Variants in ALK observed in about 807,000 individuals in gnomAD.
ALK encodes the protein ALK receptor tyrosine kinase, also known as ALK tyrosine kinase receptor.
In ALK, 74 loss-of-function variants were observed where a neutral mutation model predicts 163.1. The ratio of observed to expected loss-of-function variants is 0.45; its 90% confidence interval spans 0.38 to 0.55. The LOEUF (loss-of-function observed/expected upper bound fraction) is 0.55, where lower values mean the gene tolerates loss of function less well. Among genes scored for constraint, ALK ranks in the 20% least tolerant of loss-of-function variants. The pLI, the probability that ALK is intolerant of heterozygous loss-of-function variation, is 0.00. For synonymous variants in ALK, 960 were observed against 843.2 expected (o/e 1.14, Z -2.40); for missense variants, 2,063 against 2,105.3 (o/e 0.98, Z 0.39).
chr2:29,333,602 T>C (rs1387960130), intron 5 of ALK, among the ~76,000 whole-genome samples: 6 of 152,252 alleles, frequency 3.9e-5, no homozygotes, highest in African/African-American at 2.4e-5. Context: ...ATTCTGTTTA[T>C]AATGTATTTT....
chr2:29,498,783 G>C (rs890408536), intron 4 of ALK, among the ~76,000 whole-genome samples: 1 of 152,208 alleles, frequency 6.6e-6, no homozygotes, highest in Non-Finnish European at 1.5e-5. Flanking sequence ...TCAACCAAGG[G>C]CTTTCACTTT....
At chr2:29,341,891 T>G (rs1329986099) in intron 5 of ALK, among the ~76,000 whole-genome samples, 3 of 152,230 alleles carry the variant, frequency 2.0e-5, no homozygotes, top group African/African-American at 7.2e-5. Flanking sequence ...TTTTAGTTTT[T>G]AGTTCTTTTC....
intron 9 of ALK, among the ~76,000 whole-genome samples, chr2:29,279,935 T>C (rs570182970): frequency 6.6e-6 from 1 of 152,318 alleles, no homozygotes; most frequent in East Asian, 1.9e-4. Flanking sequence ...AGTTCTGGTA[T>C]GTATCAGGTA....
chr2:29,893,621 C>T (rs1264933827), intron 1 of ALK, among the ~76,000 whole-genome samples: 1 of 152,132 alleles, frequency 6.6e-6, no homozygotes, highest in East Asian at 1.9e-4. Context: ...AGGTTTAGGT[C>T]CTGTTCAGGT....
intron 4 of ALK, among the ~76,000 whole-genome samples, chr2:29,391,154 T>G (rs1354835925): frequency 1.3e-5 from 2 of 152,164 alleles, no homozygotes; most frequent in African/African-American, 4.8e-5. Flanking sequence ...AGAGATGTTA[T>G]GTGGGTGACG....
At chr2:29,504,602 T>C (rs567101360) in intron 4 of ALK, among the ~76,000 whole-genome samples, 116 of 151,896 alleles carry the variant, frequency 7.6e-4, no homozygotes, top group African/African-American at 2.7e-3. Context: ...ATGGGGGATA[T>C]GGGGTGAAGA....
intron 4 of ALK, among the ~76,000 whole-genome samples, chr2:29,395,016 G>C (rs536300681): frequency 6.6e-6 from 1 of 152,094 alleles, no homozygotes; most frequent in African/African-American, 2.4e-5. Flanking sequence ...GCTGGAGTTG[G>C]GGCATTCATC....
chr2:29,831,053 A>AG (rs1481628351), intron 1 of ALK, among the ~76,000 whole-genome samples: 4 of 51,364 alleles, frequency 7.8e-5, no homozygotes, highest in Non-Finnish European at 1.6e-4. Flanking sequence ...GAGAAGGAGA[A>AG]GAGGAAGGGG....
At chr2:29,903,763 G>A (rs763173087) in intron 1 of ALK, among the ~76,000 whole-genome samples, 1 of 152,234 alleles carries the variant, frequency 6.6e-6, no homozygotes, top group African/African-American at 2.4e-5. Flanking sequence ...TTAGAGGTAA[G>A]CAGCTCTTAT....
At chr2:29,717,019 A>G (rs1423595726) in intron 2 of ALK, among the ~76,000 whole-genome samples, 1 of 146,846 alleles carries the variant, frequency 6.8e-6, no homozygotes, top group Non-Finnish European at 1.5e-5. Context: ...AAAAAAAAAA[A>G]AAATTAGCCA....
chr2:29,322,626 G>A (rs769012451), intron 6 of ALK, among the ~76,000 whole-genome samples: 4 of 152,202 alleles, frequency 2.6e-5, no homozygotes, highest in Non-Finnish European at 4.4e-5. Context: ...CTGAGGTCAG[G>A]AGTTTGAGAA....
At chr2:29,417,375 C>A (rs74747850) in intron 4 of ALK, among the ~76,000 whole-genome samples, 2,967 of 152,240 alleles carry the variant, frequency 0.019, 97 homozygotes, top group African/African-American at 0.068. Context: ...CTTTCCTCAA[C>A]ATGAATGAAT....
At chr2:29,906,285 T>A (rs543305442) in intron 1 of ALK, among the ~76,000 whole-genome samples, 1 of 152,248 alleles carries the variant, frequency 6.6e-6, no homozygotes, top group Non-Finnish European at 1.5e-5. Flanking sequence ...CATTTAATAT[T>A]CTTCCCTCAC....
At chr2:29,241,227 G>T (rs190858921) in intron 12 of ALK, among the ~76,000 whole-genome samples, 33 of 152,296 alleles carry the variant, frequency 2.2e-4, no homozygotes, top group African/African-American at 7.2e-4. Context: ...CGATCTTCAT[G>T]ATGAAAAGAG....
At chr2:29,206,006 GC>G (rs1189909462) in intron 26 of ALK, among the ~76,000 whole-genome samples, 1 of 152,136 alleles carries the variant, frequency 6.6e-6, no homozygotes, top group Non-Finnish European at 1.5e-5. Context: ...GCCAGTGGGG[GC>G]CAGGACCAGG....
intron 23 of ALK, among the ~76,000 whole-genome samples, chr2:29,217,766 G>A (rs1312766735): frequency 2.0e-5 from 3 of 152,136 alleles, no homozygotes; most frequent in African/African-American, 7.2e-5. Flanking sequence ...GGGAACCCCT[G>A]GGAGTATCAG....
At chr2:29,473,108 A>C (rs1257678050) in intron 4 of ALK, among the ~76,000 whole-genome samples, 1 of 152,252 alleles carries the variant, frequency 6.6e-6, no homozygotes, top group African/African-American at 2.4e-5. Context: ...CCAGATATCA[A>C]GACATATTAT....
At chr2:29,436,705 G>T (rs143259357) in intron 4 of ALK, among the ~76,000 whole-genome samples, 1 of 152,224 alleles carries the variant, frequency 6.6e-6, no homozygotes, top group East Asian at 1.9e-4. Flanking sequence ...TGGCCCAATC[G>T]TATCTGTGAC....
chr2:29,258,730 C>T (rs1360602944), intron 11 of ALK, among the ~76,000 whole-genome samples: 1 of 152,218 alleles, frequency 6.6e-6, no homozygotes, highest in African/African-American at 2.4e-5. Flanking sequence ...GTCCTTTTGA[C>T]ATGACGCTAG....
Sources: gnomAD v4.1 joint callset for allele counts (sites outside exome capture counted in the v4.1 genomes callset) on GRCh38, gnomAD v4.1.1 for gene constraint, MANE v1.5 for transcripts, NCBI Gene and HGNC (gene_info 2026-07-23, HGNC 2026-07-21) for gene names.